The following CCDC91 variants were observed in gnomAD, a reference collection of about 807,000 sequenced individuals.
CCDC91 encodes the protein coiled-coil domain containing 91, also known as coiled-coil domain-containing protein 91.
Under a neutral mutation model 63.2 loss-of-function variants are expected in CCDC91, and 48 were observed. The ratio of observed to expected loss-of-function variants is 0.76; its 90% CI spans 0.60 to 0.97. The LOEUF (loss-of-function observed/expected upper bound fraction) is 0.97. CCDC91 is among the 50% of genes least tolerant of loss of function. CCDC91 has a pLI of 0.00. For missense variants in CCDC91, 500 were observed against 494.6 expected (o/e 1.01, Z -0.10); for synonymous variants, 167 against 165.8 (o/e 1.01, Z -0.06).
chr12:28,229,443 A>G (rs976208251), intron 1 of CCDC91, among the ~76,000 whole-genome samples: 3 of 152,206 alleles, frequency 2.0e-5, no homozygotes, highest in Non-Finnish European at 2.9e-5. Context: ...ATGTGACAGT[A>G]ATTAAGTGAC....
In CCDC91 at chr12:28,195,154, G is replaced by A. The variant is rs61920240; in HGVS notation, c.-15+4513G>A. On this transcript the variant is annotated intron_variant, in intron 1 of 12. Transcript: ENST00000536442. ...CATTTTACAGAGTGCTGATTGGTCC[G>A]TTTTACAGAGTGCTGATTGGTCCGT... 6.9e-5 allele frequency among the ~76,000 whole-genome samples: 6 copies of A among 87,106 alleles called. No individual in the cohort carries two copies. The East Asian group carries it at 8.8e-4, about 13-fold the overall frequency. 57.1% of individuals were successfully genotyped at this position (87,106 alleles called of 152,430 possible).
intron 3 of CCDC91, among the ~76,000 whole-genome samples, chr12:28,285,823 A>C (rs1251416856): frequency 6.6e-6 from 1 of 151,746 alleles, no homozygotes; most frequent in Non-Finnish European, 1.5e-5. Flanking sequence ...GCTCTCCTTT[A>C]TTTAGGAGAC....
At chr12:28,208,078 G>A (rs1025915134) in intron 1 of CCDC91, among the ~76,000 whole-genome samples, 1 of 152,074 alleles carries the variant, frequency 6.6e-6, no homozygotes, top group Non-Finnish European at 1.5e-5. Context: ...TAAAGTTCCA[G>A]GAATTCTTAC....
rs142319162 is a variant in CCDC91, at chr12:28,312,001, T to G, written c.576+4252T>G. ...CTCTGCATTCCAGAATCCTCTTAAA[T>G]TTGTTTTAATAAAATGTCCAAACTT... On this transcript the variant is annotated intron_variant, in intron 6 of 12. Coordinates refer to ENST00000536442, the MANE Select transcript of CCDC91 (RefSeq NM_018318.5). 8.1e-4 allele frequency among the ~76,000 whole-genome samples: 124 copies of G among 152,168 alleles called. 2 individuals are homozygous for G. Among genetic ancestry groups the G allele is most frequent in the African/African-American group, 2.9e-3 (119 of 41,542 alleles).
At chr12:28,192,181 G>A (rs1195783841) in intron 1 of CCDC91, among the ~76,000 whole-genome samples, 1 of 152,140 alleles carries the variant, frequency 6.6e-6, no homozygotes, top group African/African-American at 2.4e-5. Flanking sequence ...GGTTTTGGGT[G>A]GCATTAAAAT....
intron 8 of CCDC91, among the ~76,000 whole-genome samples, chr12:28,443,593 A>T (rs1478044179): frequency 2.0e-5 from 3 of 151,932 alleles, no homozygotes; most frequent in Non-Finnish European, 4.4e-5. Context: ...AGAATGTTTG[A>T]TAGTACTTAA....
At chr12:28,359,782 C>CTTTCT (rs1565853546) in intron 6 of CCDC91, among the ~76,000 whole-genome samples, 2 of 151,972 alleles carry the variant, frequency 1.3e-5, no homozygotes, top group African/African-American at 4.8e-5. Context: ...CAGAATATTT[C>CTTTCT]TATTTACTTT....
At chr12:28,377,297 G>A (rs1359104110) in intron 7 of CCDC91, among the ~76,000 whole-genome samples, 1 of 151,314 alleles carries the variant, frequency 6.6e-6, no homozygotes, top group African/African-American at 2.4e-5. Context: ...ACTCCCTGTT[G>A]TTTTCGTTTT....
At chr12:28,224,659 A>G (rs1224531599) in intron 1 of CCDC91, among the ~76,000 whole-genome samples, 4 of 152,174 alleles carry the variant, frequency 2.6e-5, no homozygotes, top group Non-Finnish European at 5.9e-5. Flanking sequence ...GTACACTGAA[A>G]TCTTTAATAA....
chr12:28,343,473 C>T (rs1468575008), intron 6 of CCDC91, among the ~76,000 whole-genome samples: 1 of 151,952 alleles, frequency 6.6e-6, no homozygotes, highest in Non-Finnish European at 1.5e-5. Context: ...CAGGTCACCT[C>T]ACCTTTTATG....
intron 12 of CCDC91, among the ~76,000 whole-genome samples, chr12:28,501,943 A>G (rs539506285): frequency 2.0e-5 from 3 of 151,886 alleles, no homozygotes; most frequent in Admixed American, 2.0e-4. Flanking sequence ...GGGAGGGTGT[A>G]TGTGTCGAGG....
rs567725978 is a variant in CCDC91 at position 28,251,734 on chromosome 12, A to G, written c.-14-5468A>G. Among the ~76,000 whole-genome samples the G allele has an allele frequency of 1.4e-3, 207 of 152,220 alleles. 1 individual carries two copies. The highest frequency in any genetic ancestry group is 4.6e-3 in the African/African-American group (190 of 41,570). The stretch of plus-strand genomic sequence containing the variant: ...CTAATTGTTTAAAATTACACTCATG[A>G]TGGTAAAACATATGAGCTAGTCTAT... On this transcript the variant is annotated intron_variant, in intron 1 of 12. Coordinates refer to ENST00000536442, the MANE Select transcript of CCDC91 (RefSeq NM_018318.5).
chr12:28,272,351 A>G (rs1278440716), intron 3 of CCDC91, among the ~76,000 whole-genome samples: 9 of 151,290 alleles, frequency 5.9e-5, no homozygotes, highest in Non-Finnish European at 2.9e-5. Context: ...CGTTGTTTTT[A>G]CCAATGTTGT....
chr12:28,540,298 G>A (rs1942534797), intron 12 of CCDC91, among the ~76,000 whole-genome samples: 1 of 152,028 alleles, frequency 6.6e-6, no homozygotes, highest in Non-Finnish European at 1.5e-5. Context: ...AAATGCTTCT[G>A]TTGCATTTTC....
intron 11 of CCDC91, among the ~76,000 whole-genome samples, 175 bp from the exon 12 acceptor site, chr12:28,483,877 T>A (rs1951574604): frequency 6.6e-6 from 1 of 152,196 alleles, no homozygotes; most frequent in African/African-American, 2.4e-5. Context: ...AAGGGAGTTC[T>A]GTGAACTCTC....
intron 12 of CCDC91, among the ~76,000 whole-genome samples, chr12:28,513,675 G>T (rs1258193387): frequency 1.3e-5 from 2 of 151,780 alleles, no homozygotes. Flanking sequence ...ACCCTTAATT[G>T]TATCACTCTC....
At chr12:28,253,758 A>T (rs955532346) in intron 1 of CCDC91, among the ~76,000 whole-genome samples, 1 of 152,152 alleles carries the variant, frequency 6.6e-6, no homozygotes, top group African/African-American at 2.4e-5. Flanking sequence ...AGATGAATAA[A>T]ATGTGTGTTT....
chr12:28,414,802 A>T (rs1482430257), intron 8 of CCDC91, among the ~76,000 whole-genome samples: 1 of 152,184 alleles, frequency 6.6e-6, no homozygotes, highest in Non-Finnish European at 1.5e-5. Context: ...TTAAACAGAG[A>T]AAAGAAACAT....
intron 1 of CCDC91, among the ~76,000 whole-genome samples, chr12:28,223,292 A>G (rs1447344552): frequency 1.3e-5 from 2 of 152,152 alleles, no homozygotes; most frequent in Non-Finnish European, 2.9e-5. Context: ...GTAGGTGGAC[A>G]GTTGGTGATG....
Sources: gnomAD v4.1 joint callset for allele counts (sites outside exome capture counted in the v4.1 genomes callset) on GRCh38, gnomAD v4.1.1 for gene constraint, MANE v1.5 for transcripts, NCBI Gene and HGNC (gene_info 2026-07-23, HGNC 2026-07-21) for gene names.